MZT2A: variants seen among roughly 807,000 people sequenced by gnomAD.
MZT2A encodes the protein mitotic spindle organizing protein 2A, also known as mitotic-spindle organizing protein 2A.
A neutral mutation model predicts 12.4 loss-of-function variants in MZT2A; 8 were observed. That is an observed-to-expected ratio of 0.64 (90% CI 0.38 to 1.16). MZT2A has a LOEUF of 1.16. Ranked by LOEUF, MZT2A falls within the 50% of genes most tolerant of loss-of-function variation. The pLI, the probability that MZT2A is intolerant of heterozygous loss-of-function variation, is 0.01. For missense variants in MZT2A, 181 were observed against 223.6 expected (o/e 0.81, Z 1.22); for synonymous variants, 88 against 107.5 (o/e 0.82, Z 1.12).
intron 2 of MZT2A, among the ~76,000 whole-genome samples, chr2:131,476,486 G>A (rs71428586): frequency 6.6e-5 from 10 of 152,178 alleles, no homozygotes; most frequent in Non-Finnish European, 1.0e-4. Flanking sequence ...TCCTGAAGAC[G>A]GGAGGGCGCT....
At chr2:131,476,273 C>G (rs1678664355) in intron 2 of MZT2A, 5 of 1,611,084 alleles carry the variant, frequency 3.1e-6, no homozygotes, top group Non-Finnish European at 3.4e-6. Context: ...GACAGAGGGA[C>G]GTTGTTGCGG....
At chr2:131,493,561 C>G (rs111564319), upstream of MZT2A, among the ~76,000 whole-genome samples, 19 of 152,096 alleles carry the variant, frequency 1.2e-4, no homozygotes, top group Non-Finnish European at 2.4e-4. Flanking sequence ...AAGCCCAATT[C>G]GCAGGAGAGT....
At chr2:131,493,216 C>A, upstream of MZT2A, 1 of 1,369,158 alleles carries the variant, frequency 7.3e-7, no homozygotes, top group Non-Finnish European at 9.4e-7. Context: ...GAGGCCATCT[C>A]CGTTCCTCCG....
upstream of MZT2A, chr2:131,492,499 C>CAA: frequency 1.8e-6 from 2 of 1,129,126 alleles, no homozygotes; most frequent in Non-Finnish European, 2.2e-6. Flanking sequence ...GCGGCGGGAG[C>CAA]GCGGGGACGG....
intron 2 of MZT2A, among the ~76,000 whole-genome samples, chr2:131,477,560 G>T (rs892558731): frequency 7.0e-6 from 1 of 142,626 alleles, no homozygotes; most frequent in African/African-American, 3.0e-5. Context: ...CCCTGGCACT[G>T]CTTTCTCCAG....
chr2:131,482,784 A>G, downstream of MZT2A: 5 of 1,613,724 alleles, frequency 3.1e-6, no homozygotes, highest in Non-Finnish European at 4.2e-6. Flanking sequence ...GCTCTAGAGA[A>G]GGATTATGAA....
At chr2:131,485,980 CG>C (rs1559356937) in intron 2 of MZT2A, among the ~76,000 whole-genome samples, 1 of 149,832 alleles carries the variant, frequency 6.7e-6, no homozygotes, top group East Asian at 1.9e-4. Flanking sequence ...TATGAGTTTC[CG>C]GGGAGTTCTT....
rs1170201907 is a variant in MZT2A at position 131,484,098 on chromosome 2, C to T, written c.440G>A (p.Gly147Asp). The T allele has an allele frequency of 1.2e-6, 2 of 1,613,682 alleles. No homozygotes were observed. The highest frequency in any genetic ancestry group is 1.7e-6 in the Non-Finnish European group (2 of 1,179,730). ...CTGCGTAGGGCTCTTCCCAGGCCCG[C>T]CCCCCTTGGGCAGCCTGGTAGCGCT... Reference protein sequence around the residue: ...QPSATRLPKGGGPGKSPTQGS... With the variant: ...QPSATRLPKGDGPGKSPTQGS... The change falls in exon 3 of 3, where the codon GGC becomes GAC. Residue 147 changes from glycine to aspartate, a missense_variant. By Grantham distance (94) the Gly-to-Asp change is moderately conservative (BLOSUM62 -1). Transcript: ENST00000309451.
At chr2:131,470,709 A>G (rs867093281) in intron 3 of MZT2A, among the ~76,000 whole-genome samples, 11 of 143,308 alleles carry the variant, frequency 7.7e-5, no homozygotes, top group Admixed American at 2.0e-4. Context: ...AGTTACTTAA[A>G]CACAAGAAGA....
At chr2:131,475,706 G>T (rs112775275) in intron 2 of MZT2A, among the ~76,000 whole-genome samples, 1 of 152,104 alleles carries the variant, frequency 6.6e-6, no homozygotes, top group African/African-American at 2.4e-5. Context: ...AGGGAAGAGG[G>T]GGATAATTGC....
chr2:131,477,183 G>A (rs1279307514), intron 2 of MZT2A, among the ~76,000 whole-genome samples: 3 of 151,610 alleles, frequency 2.0e-5, no homozygotes, highest in Admixed American at 6.6e-5. Flanking sequence ...TACTACAGGT[G>A]TGTGCCACCA....
At chr2:131,480,831 G>C, downstream of MZT2A, 1 of 1,550,248 alleles carries the variant, frequency 6.5e-7, no homozygotes, top group South Asian at 1.2e-5. Context: ...ACATCCTTTG[G>C]GGAGATTATC....
At chr2:131,486,022 G>C (rs1308414992) in intron 2 of MZT2A, among the ~76,000 whole-genome samples, 2 of 151,440 alleles carry the variant, frequency 1.3e-5, no homozygotes, top group Non-Finnish European at 2.9e-5. Flanking sequence ...GCTCATTCTT[G>C]CCTGGTGGTG....
At chr2:131,490,844 G>A (rs1679265136) in intron 2 of MZT2A, 7 of 1,550,066 alleles carry the variant, frequency 4.5e-6, no homozygotes, top group Admixed American at 2.0e-5. Context: ...GGAGGAAAAC[G>A]AGGGCCTTGC....
At chr2:131,478,825 A>G (rs1220557843) in intron 2 of MZT2A, 1 of 215,844 alleles carries the variant, frequency 4.6e-6, no homozygotes, top group Non-Finnish European at 9.2e-6. Flanking sequence ...GTAGTTTCCA[A>G]GGAGAGCTAC....
In MZT2A at chr2:131,484,210, T is replaced by C. The variant is rs1678962846; in HGVS notation, c.328A>G (p.Lys110Glu). 1.2e-6 allele frequency: 2 copies of C among 1,613,902 alleles called. No individual in the cohort carries two copies. Among genetic ancestry groups the C allele is most frequent in the East Asian group, 4.5e-5 (2 of 44,856 alleles). ...ACTCCCCCGAGGGCAGCGCTGCCTT[T>C]GTCTCTCCCTAAGGAGACACAAAGC... Reference protein sequence around the residue: ...SSVPETRGRDKGSAALGGVLA... With the variant: ...SSVPETRGRDEGSAALGGVLA... Residue 110 changes from lysine (K) to glutamate (E), a missense_variant, in exon 3 of 3, where the codon AAA becomes GAA. Lys to Glu is a moderately conservative substitution (Grantham distance 56). Around this residue, in one of 3 missense-constraint regions of MZT2A, gnomAD observed 72 missense variants for 76.9 expected, o/e 0.94. Transcript: ENST00000309451.
chr2:131,479,413 G>T (rs1280973323), downstream of MZT2A: 1 of 1,614,066 alleles, frequency 6.2e-7, no homozygotes, highest in Non-Finnish European at 8.5e-7. Context: ...TACACCATCG[G>T]CAAGGAGATT....
At chr2:131,481,883 G>T (rs151147307), downstream of MZT2A, among the ~76,000 whole-genome samples, 495 of 152,328 alleles carry the variant, frequency 3.2e-3, 2 homozygotes, top group African/African-American at 0.012. Flanking sequence ...GTCATTTATA[G>T]AACAAGTTTG....
At chr2:131,492,917 C>T (rs1325516290), upstream of MZT2A, 5 of 1,518,492 alleles carry the variant, frequency 3.3e-6, no homozygotes, top group Non-Finnish European at 3.5e-6. Flanking sequence ...AGGACCACTC[C>T]CTCCCCCCGC....
Sources: gnomAD v4.1 joint callset for allele counts (sites outside exome capture counted in the v4.1 genomes callset) on GRCh38, gnomAD v4.1.1 for gene constraint, gnomAD v4.1.1 regional missense constraint, MANE v1.5 for transcripts, NCBI Gene and HGNC (gene_info 2026-07-23, HGNC 2026-07-21) for gene names.